Variants in ITGB2 observed in about 807,000 individuals in gnomAD.
The protein encoded by ITGB2 is integrin beta-2.
Under a neutral mutation model 86.8 loss-of-function variants are expected in ITGB2, and 56 were observed. The observed-to-expected ratio is 0.65, with a 90% CI of 0.52 to 0.81. The LOEUF is 0.81. Among genes scored for constraint, ITGB2 ranks in the 30% least tolerant of loss-of-function variants. ITGB2 has a pLI of 0.00. For synonymous variants in ITGB2, 457 were observed against 450.4 expected (o/e 1.01, Z -0.19); for missense variants, 948 against 1,061.2 (o/e 0.89, Z 1.48).
At chr21:44,894,643 C>T (rs1035331432) in intron 9 of ITGB2, 3 of 394,228 alleles carry the variant, frequency 7.6e-6, no homozygotes, top group Admixed American at 7.3e-5. Flanking sequence ...CCTCCTCCTG[C>T]CCCAGCTGCA....
chr21:44,910,135 C>T lies in ITGB2; in HGVS notation c.147+149G>A. 3.2e-6 allele frequency: 3 copies of T among 923,398 alleles called. No homozygotes were observed. The South Asian group carries it at 5.1e-5, about 16-fold the overall frequency. The allele number at this position is 923,398 out of a possible 1,614,324, so 57.2% of individuals were successfully genotyped here. On this transcript the variant is annotated intron_variant, in intron 3 of 15. Coordinates refer to ENST00000652462, the MANE Select transcript of ITGB2 (RefSeq NM_000211.5). ...GACCACACATCAGAACCTCAGGGGCCCCTTGAGGGGAGGGTGAGGCCAGGG... is the reference window on the plus strand; with the variant it reads ...GACCACACATCAGAACCTCAGGGGCTCCTTGAGGGGAGGGTGAGGCCAGGG...
At chr21:44,906,657 G>A (rs2084046254) in intron 4 of ITGB2, among the ~76,000 whole-genome samples, 1 of 152,106 alleles carries the variant, frequency 6.6e-6, no homozygotes, top group South Asian at 2.1e-4. Flanking sequence ...AAAAGGTGCA[G>A]AACGTCGGGC....
chr21:44,912,055 G>T (rs1186736825), intron 1 of ITGB2, among the ~76,000 whole-genome samples: 1 of 152,194 alleles, frequency 6.6e-6, no homozygotes, highest in African/African-American at 2.4e-5. Flanking sequence ...TGGGCAGGAA[G>T]ACATTTCCGT....
chr21:44,898,534 G>A (rs955759412), intron 8 of ITGB2, among the ~76,000 whole-genome samples: 6 of 152,210 alleles, frequency 3.9e-5, no homozygotes, highest in African/African-American at 9.6e-5. Flanking sequence ...GCGTCTTGAC[G>A]CACTGACCTG....
At chr21:44,924,575 A>T (rs940164972), upstream of ITGB2, among the ~76,000 whole-genome samples, 2 of 152,246 alleles carry the variant, frequency 1.3e-5, no homozygotes, top group East Asian at 1.9e-4. Context: ...ACACATAATT[A>T]CTAGACCACA....
chr21:44,896,013 G>A (rs1051640435), intron 8 of ITGB2, among the ~76,000 whole-genome samples: 2 of 151,104 alleles, frequency 1.3e-5, no homozygotes, highest in Admixed American at 6.6e-5. Context: ...TCCTGCCTGC[G>A]GTGTGAGTGA....
chr21:44,921,970 C>T (rs141547941), upstream of ITGB2, among the ~76,000 whole-genome samples: 1 of 152,324 alleles, frequency 6.6e-6, no homozygotes, highest in African/African-American at 2.4e-5. Flanking sequence ...GTGATCCATC[C>T]ACCTCTGCCT....
At position 44,903,371 on chromosome 21, in the gene ITGB2, G is replaced by A. The variant is rs759935924; in HGVS notation, c.493C>T (p.Arg165Cys). The A allele has an allele frequency of 8.7e-6, 14 of 1,613,952 alleles. No individual in the cohort carries two copies. Among genetic ancestry groups the A allele is most frequent in the African/African-American group, 4.0e-5 (3 of 74,898 alleles). Residue 165 changes from arginine (R) to cysteine (C), a missense_variant, in exon 5 of 16, where the codon CGC becomes TGC. By Grantham distance (180) the Arg-to-Cys change is radical. Coordinates refer to ENST00000652462, the MANE Select transcript of ITGB2 (RefSeq NM_000211.5). The part of the protein sequence containing the change: ...RALNEITESG[R>C]IGFGSFVDKT... ...TGCAGTGCCTGGGCCTCACCAATGC[G>A]GCCGGACTCGGTGATCTCGTTGAGG...
chr21:44,886,900 A>G lies in ITGB2; in HGVS notation c.2083T>C (p.Cys695Arg). 6.2e-7 allele frequency: 1 copy of G among 1,612,412 alleles called. No individual in the cohort carries two copies. The highest frequency in any genetic ancestry group is 1.1e-5 in the South Asian group (1 of 91,058). The change falls in exon 15 of 16, where the codon TGT (cysteine) becomes CGT (arginine). Residue 695 changes from cysteine (C) to arginine (R), a missense_variant and splice_region_variant. Coordinates refer to ENST00000652462, the MANE Select transcript of ITGB2 (RefSeq NM_000211.5). ...YLIYVDESRE[C>R]VAGPNIAAIV... ...GCGGCGATGTTGGGGCCTGCCACAC[A>G]CTCTAGGGAAGAAGCAGCACACCTG...
chr21:44,886,407 G>A lies in ITGB2; in HGVS notation c.2271C>T (p.Ala757=), dbSNP rs1309107353. 1 of 1,614,146 alleles carries A rather than the reference G, an allele frequency of 6.2e-7. No homozygotes were observed. Among genetic ancestry groups the A allele is most frequent in the Non-Finnish European group, 8.5e-7 (1 of 1,180,006 alleles). ...ACTTGGGGTTCATGACCGTCGTGGT[G>A]GCGCTCTTGAAAAGGGGATTATCCT... ...WNNDNPLFKS[A]TTTVMNPKFA... Residue 757 remains alanine (A), a synonymous_variant, in exon 16 of 16, where the codon GCC becomes GCT. Transcript: ENST00000652462.
intron 1 of ITGB2, among the ~76,000 whole-genome samples, chr21:44,916,323 T>C (rs1347958609): frequency 6.6e-6 from 1 of 151,240 alleles, no homozygotes; most frequent in Non-Finnish European, 1.5e-5. Context: ...GCTAAAGTAC[T>C]CTGCTAAATA....
rs576605821 is a variant in ITGB2 at position 44,904,771 on chromosome 21, G to A, written c.329-1236C>T. 1.8e-3 allele frequency among the ~76,000 whole-genome samples: 269 copies of A among 149,872 alleles called. 10 individuals are homozygous for A. The South Asian group carries it at 0.055, about 31-fold the overall frequency. On this transcript the variant is annotated intron_variant, in intron 4 of 15. Transcript: ENST00000652462. ...CATGCATTCACACCCATACACACAC[G>A]TGCCACACATATACACACACCCCAC...
chr21:44,890,514 C>T (rs2083771572), intron 11 of ITGB2, among the ~76,000 whole-genome samples: 1 of 152,208 alleles, frequency 6.6e-6, no homozygotes, highest in South Asian at 2.1e-4. Context: ...ATGCACATGG[C>T]CTGTGCTGCG....
At chr21:44,916,164 G>T (rs988072872) in intron 1 of ITGB2, among the ~76,000 whole-genome samples, 1 of 151,938 alleles carries the variant, frequency 6.6e-6, no homozygotes, top group Non-Finnish European at 1.5e-5. Context: ...CTCGTGATCC[G>T]CCTGCCTCGG....
At chr21:44,921,405 AG>A (rs2084302121), upstream of ITGB2, 1 of 153,008 alleles carries the variant, frequency 6.5e-6, no homozygotes, top group Non-Finnish European at 1.5e-5. Context: ...GGGACAGAAC[AG>A]GGACAGCGAG....
chr21:44,893,553 A>AGGTT lies in ITGB2; in HGVS notation c.1084-10_1084-9insAACC. On this transcript the variant is annotated splice_polypyrimidine_tract_variant and intron_variant, in intron 9 of 15. Transcript: ENST00000652462. ...ACCCTGGAGGAGAGTTTCTGCGGGC[A>AGGTT]GAGAGCGGTTACTCTTGGGGGCGAG... 6.2e-7 allele frequency: 1 copy of AGGTT among 1,613,462 alleles called. No individual in the cohort carries two copies.
chr21:44,900,275 G>C (rs186060042), intron 7 of ITGB2, 45 bp downstream of exon 7: 3 of 1,612,480 alleles, frequency 1.9e-6, no homozygotes, highest in African/African-American at 2.7e-5. Flanking sequence ...CTCCGTCAGT[G>C]GTGTCCTGCC....
At chr21:44,888,072 T>A (rs1230846865) in intron 14 of ITGB2, among the ~76,000 whole-genome samples, 1 of 152,180 alleles carries the variant, frequency 6.6e-6, no homozygotes, top group Non-Finnish European at 1.5e-5. Context: ...TGGTTCCAAC[T>A]GGAGCTGAAT....
At chr21:44,889,924 C>A in intron 12 of ITGB2, 54 bp downstream of exon 12, 4 of 1,608,640 alleles carry the variant, frequency 2.5e-6, no homozygotes, top group Non-Finnish European at 2.5e-6. Flanking sequence ...CACCCCCCAA[C>A]ACCAAGTCTG....
Sources: gnomAD v4.1 joint callset for allele counts (sites outside exome capture counted in the v4.1 genomes callset) on GRCh38, gnomAD v4.1.1 for gene constraint, MANE v1.5 for transcripts, NCBI Gene and HGNC (gene_info 2026-07-23, HGNC 2026-07-21) for gene names.